The following PARD3 variants were observed in gnomAD, a reference collection of about 807,000 sequenced individuals.
PARD3 encodes the protein partitioning defective 3 homolog.
A neutral mutation model predicts 155.4 loss-of-function variants in PARD3; 75 were observed. That is an observed-to-expected ratio of 0.48 (90% CI 0.40 to 0.58). PARD3 has a LOEUF of 0.58. Among genes scored for constraint, PARD3 ranks in the 20% least tolerant of loss-of-function variants. PARD3 has a pLI of 0.00. For synonymous variants in PARD3, 576 were observed against 610.5 expected, an observed-to-expected ratio of 0.94 and a Z score of 0.83; for missense variants, 1,642 against 1,721.7, an observed-to-expected ratio of 0.95 and a Z score of 0.82.
At chr10:34,773,368 TCAC>T (rs1202923949) in intron 1 of PARD3, among the ~76,000 whole-genome samples, 1 of 152,244 alleles carries the variant, frequency 6.6e-6, no homozygotes, top group African/African-American at 2.4e-5. Context: ...GTGGCTGACT[TCAC>T]CATTTTCCTC....
At chr10:34,716,741 C>T (rs866842120) in intron 1 of PARD3, among the ~76,000 whole-genome samples, 5 of 151,688 alleles carry the variant, frequency 3.3e-5, no homozygotes, top group African/African-American at 9.7e-5. Context: ...TACAGGCATG[C>T]GCCACCACCC....
rs183512073 is a variant in PARD3 at position 34,350,677 on chromosome 10, G to A, written c.2068-2562C>T. 7.9e-5 allele frequency among the ~76,000 whole-genome samples: 12 copies of A among 152,064 alleles called. No individual in the cohort carries two copies. In the East Asian group the frequency reaches 2.3e-3, roughly 29 times the overall value. On this transcript the variant is annotated intron_variant, in intron 14 of 24. Coordinates refer to ENST00000374788, the MANE Select transcript of PARD3 (RefSeq NM_001184785.2). ...GTAGAATTAAGCTTCATTAGAAGAA[G>A]AAACCAAAGTAAGCACAACTGCGAT...
chr10:34,676,653 C>G (rs779363889), intron 2 of PARD3, among the ~76,000 whole-genome samples: 1 of 152,106 alleles, frequency 6.6e-6, no homozygotes, highest in East Asian at 1.9e-4. Context: ...TAGAAATGCT[C>G]GGCGGAATTT....
chr10:34,766,617 C>CAAAAAAAAAAAAAAAAAAA, intron 1 of PARD3, among the ~76,000 whole-genome samples: 1 of 81,788 alleles, frequency 1.2e-5, no homozygotes, highest in Non-Finnish European at 2.4e-5. Flanking sequence ...ACTTAATTGA[C>CAAAAAAAAAAAAAAAAAAA]AAAAAAAAAA....
At chr10:34,794,592 C>T (rs944899793) in intron 1 of PARD3, among the ~76,000 whole-genome samples, 1 of 152,184 alleles carries the variant, frequency 6.6e-6, no homozygotes, top group Non-Finnish European at 1.5e-5. Context: ...TGCTTATGGA[C>T]TTCACAGTAT....
intron 1 of PARD3, among the ~76,000 whole-genome samples, chr10:34,708,849 A>G (rs1383484637): frequency 1.3e-5 from 2 of 152,202 alleles, no homozygotes; most frequent in Non-Finnish European, 2.9e-5. Flanking sequence ...CAATGAGGGA[A>G]ATTTTAATAT....
At chr10:34,791,933 C>A (rs563714248) in intron 1 of PARD3, among the ~76,000 whole-genome samples, 1 of 152,188 alleles carries the variant, frequency 6.6e-6, no homozygotes, top group African/African-American at 2.4e-5. Flanking sequence ...CAAGGGCCTA[C>A]AAACTGAATG....
chr10:34,198,055 A>C (rs1013879942), intron 22 of PARD3, among the ~76,000 whole-genome samples: 1 of 152,238 alleles, frequency 6.6e-6, no homozygotes, highest in African/African-American at 2.4e-5. Flanking sequence ...TAAGAAGCTA[A>C]AAGTGAAAAA....
At chr10:34,232,133 C>T (rs1952966145) in intron 22 of PARD3, among the ~76,000 whole-genome samples, 1 of 152,074 alleles carries the variant, frequency 6.6e-6, no homozygotes, top group Non-Finnish European at 1.5e-5. Context: ...GTTAATGCTG[C>T]TGAGATAATA....
chr10:34,431,282 C>G (rs1296512872), intron 5 of PARD3, among the ~76,000 whole-genome samples: 3 of 152,150 alleles, frequency 2.0e-5, no homozygotes, highest in Non-Finnish European at 4.4e-5. Context: ...TGACACAATG[C>G]TGATTCAGAA....
intron 22 of PARD3, among the ~76,000 whole-genome samples, chr10:34,165,568 A>ACC (rs1457228067): frequency 1.8e-4 from 27 of 152,078 alleles, no homozygotes; most frequent in African/African-American, 6.0e-4. Flanking sequence ...AGCCAGTGCC[A>ACC]CCCCTCTCTG....
chr10:34,769,802 A>AC lies in PARD3; in HGVS notation c.120+45073_120+45074insG, dbSNP rs1228798614. Reference sequence around the variant, plus strand: ...AACAAACAAACGAACAAAAAAACAAAACAAAAAAAAAAACAAGAAAACCAT... The same window carrying AC: ...AACAAACAAACGAACAAAAAAACAAACACAAAAAAAAAAACAAGAAAACCAT... On this transcript the variant is annotated intron_variant, in intron 1 of 24. Coordinates refer to ENST00000374788, the MANE Select transcript of PARD3 (RefSeq NM_001184785.2). 2.7e-3 allele frequency among the ~76,000 whole-genome samples: 199 copies of AC among 72,922 alleles called. 3 individuals are homozygous for AC. Among genetic ancestry groups the AC allele is most frequent in the Admixed American group, 0.012 (80 of 6,802 alleles). 47.8% of individuals were successfully genotyped at this position (72,922 alleles called of 152,430 possible). A position where few individuals can be genotyped will look rare whatever the true frequency, so the allele number is the denominator to read the frequency against.
chr10:34,483,186 C>T lies in PARD3; in HGVS notation c.404-12923G>A, dbSNP rs139039017. On this transcript the variant is annotated intron_variant, in intron 3 of 24. Transcript: ENST00000374788. Reference sequence around the variant, plus strand: ...AACAAACAAACAAAAATGTGTTTCTCTTGCAGATGATAAACAAAAATGAAC... The same window carrying T: ...AACAAACAAACAAAAATGTGTTTCTTTTGCAGATGATAAACAAAAATGAAC... Among the ~76,000 whole-genome samples, 44 of 151,980 alleles carry T rather than the reference C, an allele frequency of 2.9e-4. 1 individual carries two copies. The East Asian group carries it at 8.2e-3, about 28-fold the overall frequency.
chr10:34,633,605 C>T lies in PARD3; in HGVS notation c.222+62713G>A, dbSNP rs1360987177. On this transcript the variant is annotated intron_variant, in intron 2 of 24. Transcript: ENST00000374788. The stretch of plus-strand genomic sequence containing the variant: ...CGTCCAACGTAGGCTGGTGCCGTAT[C>T]TTAGCTACAGTGAACGGCGCTGCAA... Among the ~76,000 whole-genome samples, 3 of 152,214 alleles carry T rather than the reference C, an allele frequency of 2.0e-5. No homozygotes were observed. The East Asian group carries it at 5.8e-4, about 29-fold the overall frequency.
intron 1 of PARD3, among the ~76,000 whole-genome samples, chr10:34,733,271 T>C (rs147181693): frequency 2.0e-5 from 3 of 152,308 alleles, no homozygotes; most frequent in African/African-American, 7.2e-5. Context: ...CAAATGGAAG[T>C]AGAATTTTCC....
chr10:34,769,284 C>T (rs1040776892), intron 1 of PARD3, among the ~76,000 whole-genome samples: 1 of 152,138 alleles, frequency 6.6e-6, no homozygotes, highest in African/African-American at 2.4e-5. Context: ...ACACCCTGAC[C>T]GAATCAGTCA....
At chr10:34,131,814 CTT>C (rs34722644) in intron 22 of PARD3, among the ~76,000 whole-genome samples, 1 of 147,688 alleles carries the variant, frequency 6.8e-6, no homozygotes. Context: ...TTTAGATATT[CTT>C]TTTTTTTTTG....
rs1328086056 is a variant in PARD3 at position 34,544,572 on chromosome 10, C to A, written c.223-27413G>T. Among the ~76,000 whole-genome samples, 8 of 152,164 alleles carry A rather than the reference C, an allele frequency of 5.3e-5. No homozygotes were observed. In the East Asian group the frequency reaches 1.5e-3, roughly 29 times the overall value. On this transcript the variant is annotated intron_variant, in intron 2 of 24. Transcript: ENST00000374788. ...CAAAGTGTGGTCCCTCCCAGTAGCA[C>A]CAGCATCACCTGGGAACTGTTAGAA...
chr10:34,721,667 C>G (rs1003075897), intron 1 of PARD3, among the ~76,000 whole-genome samples: 1 of 152,216 alleles, frequency 6.6e-6, no homozygotes, highest in African/African-American at 2.4e-5. Flanking sequence ...CAGCCATCTC[C>G]TGGAGACATA....
Sources: allele counts gnomAD v4.1 joint callset (sites outside exome capture counted in the v4.1 genomes callset), GRCh38; gene constraint gnomAD v4.1.1; transcripts MANE v1.5; gene names NCBI Gene and HGNC (gene_info 2026-07-23, HGNC 2026-07-21).